Variants in SLC9C1 observed in about 807,000 individuals in gnomAD.
The protein encoded by SLC9C1 is solute carrier family 9 member C1.
A neutral mutation model predicts 140.9 loss-of-function variants in SLC9C1; 97 were observed. The observed-to-expected ratio is 0.69, with a 90% CI of 0.58 to 0.82. The LOEUF (loss-of-function observed/expected upper bound fraction) is 0.82. Among genes scored for constraint, SLC9C1 ranks in the 40% least tolerant of loss-of-function variants. SLC9C1 has a pLI of 0.00. For missense variants in SLC9C1, 1,340 were observed against 1,389.3 expected (o/e 0.96, Z 0.56); for synonymous variants, 440 against 442.6 (o/e 0.99, Z 0.07).
Position 112,248,571 on chromosome 3 carries a change from T to C in SLC9C1, c.1198-4495A>G, listed in dbSNP as rs578176688. On this transcript the variant is annotated intron_variant, in intron 10 of 28. Coordinates refer to ENST00000305815, the MANE Select transcript of SLC9C1 (RefSeq NM_183061.3). ...AAAAATATAATTTAGTTTTGTATAC[T>C]GAACATGAATTTCATGATTTCGCTA... is the stretch of plus-strand genomic sequence containing the variant. Among the ~76,000 whole-genome samples the C allele has an allele frequency of 3.9e-4, 59 of 152,306 alleles. 1 individual carries two copies. Among genetic ancestry groups the C allele is most frequent in the Admixed American group, 3.4e-3 (52 of 15,282 alleles).
chr3:112,247,422 C>T (rs568556826), intron 10 of SLC9C1, among the ~76,000 whole-genome samples: 38 of 152,282 alleles, frequency 2.5e-4, no homozygotes, highest in Non-Finnish European at 1.9e-4. Flanking sequence ...TAGTTAATAA[C>T]GTGCTCCAAA....
intron 13 of SLC9C1, among the ~76,000 whole-genome samples, chr3:112,230,105 A>G (rs943773385): frequency 1.3e-5 from 2 of 152,156 alleles, no homozygotes; most frequent in African/African-American, 4.8e-5. Flanking sequence ...ACCTATGGTT[A>G]TCTCAGGACT....
chr3:112,151,986 A>C, intron 27 of SLC9C1, 23 bp from the exon 28 acceptor site: 2 of 1,560,266 alleles, frequency 1.3e-6, no homozygotes, highest in Non-Finnish European at 1.7e-6. Context: ...ACACTTTGTT[A>C]CTTGATGTCA....
chr3:112,200,640 T>C (rs568026358), intron 19 of SLC9C1, 71 bp downstream of exon 19: 2 of 1,413,006 alleles, frequency 1.4e-6, no homozygotes, highest in Admixed American at 1.9e-5. Context: ...GCTCGAGTTA[T>C]GAAAACCATT....
chr3:112,262,611 G>A (rs972262757), intron 10 of SLC9C1, among the ~76,000 whole-genome samples: 5 of 151,808 alleles, frequency 3.3e-5, no homozygotes, highest in Non-Finnish European at 7.4e-5. Flanking sequence ...AAGGTAATAG[G>A]GCCAATCATA....
rs79031915 is a variant in SLC9C1 at position 112,167,137 on chromosome 3, C to T, written c.3364+84G>A. 1.1e-3 allele frequency: 1,610 copies of T among 1,483,840 alleles called. 9 individuals are homozygous for T. In the African/African-American group the frequency reaches 0.021, roughly 19 times the overall value. The allele number at this position is 1,483,840 out of a possible 1,614,324, so 91.9% of individuals were successfully genotyped here. A position where few individuals can be genotyped will look rare whatever the true frequency, so the allele number is the denominator to read the frequency against. Reference sequence around the variant, plus strand: ...ATTCCTCAATATATTAGGCAGAATGCAAACAACAGTTTCCAAATACACATA... The same window carrying T: ...ATTCCTCAATATATTAGGCAGAATGTAAACAACAGTTTCCAAATACACATA... On this transcript the variant is annotated intron_variant, in intron 26 of 28. Transcript: ENST00000305815.
At chr3:112,186,798 A>G (rs1183769063) in intron 20 of SLC9C1, among the ~76,000 whole-genome samples, 1 of 152,186 alleles carries the variant, frequency 6.6e-6, no homozygotes, top group African/African-American at 2.4e-5. Flanking sequence ...ACTTATCCAC[A>G]CCTACACAGT....
intron 11 of SLC9C1, among the ~76,000 whole-genome samples, chr3:112,240,469 G>A (rs2079111680): frequency 6.6e-6 from 1 of 152,202 alleles, no homozygotes; most frequent in African/African-American, 2.4e-5. Flanking sequence ...ATTTAAATTG[G>A]TAGACTGAGT....
intron 2 of SLC9C1, among the ~76,000 whole-genome samples, chr3:112,283,682 G>T (rs1239900540): frequency 6.6e-6 from 1 of 151,818 alleles, no homozygotes; most frequent in East Asian, 1.9e-4. Context: ...TTAGATACAG[G>T]CAGTCCTTGC....
Position 112,151,956 on chromosome 3 carries a change from G to T in SLC9C1, c.3425C>A (p.Ala1142Glu). ...QEERNVKEDG[A>E]HSAATARSPQ... is the part of the protein sequence containing the mutation. The stretch of plus-strand genomic sequence containing the variant: ...ACTCCTGGCAGTGGCGGCACTGTGT[G>T]CTCCATCCTGGGATTCAAAACACTT... Residue 1142 changes from alanine to glutamate, a missense_variant, in exon 28 of 29, where the codon GCA (alanine) becomes GAA (glutamate). Ala to Glu is a moderately radical substitution (Grantham distance 107). Coordinates refer to ENST00000305815, the MANE Select transcript of SLC9C1 (RefSeq NM_183061.3). The T allele has an allele frequency of 6.3e-7, 1 of 1,589,268 alleles. No individual in the cohort carries two copies. Among genetic ancestry groups the T allele is most frequent in the Admixed American group, 1.9e-5 (1 of 52,316 alleles).
chr3:112,284,842 C>T (rs2080457972), intron 2 of SLC9C1, among the ~76,000 whole-genome samples: 1 of 151,820 alleles, frequency 6.6e-6, no homozygotes, highest in Admixed American at 6.6e-5. Flanking sequence ...TCAAACTATT[C>T]TTTATAAAAT....
chr3:112,153,467 C>T (rs2075041685), intron 27 of SLC9C1, among the ~76,000 whole-genome samples: 1 of 151,858 alleles, frequency 6.6e-6, no homozygotes, highest in East Asian at 1.9e-4. Context: ...CTTTGTTATT[C>T]CCTAGCCTTC....
Position 112,169,049 on chromosome 3 carries a change from T to C in SLC9C1, c.3065A>G (p.Asn1022Ser). Residue 1022 changes from asparagine (N) to serine (S), a missense_variant, in exon 25 of 29, where the codon AAT becomes AGT. Physicochemically the swap from Asn to Ser is conservative, Grantham distance 46. Transcript: ENST00000305815. Reference sequence around the variant, plus strand: ...AATATTAGAGAGCTTTAGTTGCATATTGTAGTTCCAATCCTGTTTTAGAAA... The same window carrying C: ...AATATTAGAGAGCTTTAGTTGCATACTGTAGTTCCAATCCTGTTTTAGAAA... ...EHLSYEDWNY[N>S]MQLKLSNIYV... 1.3e-6 allele frequency: 2 copies of C among 1,591,840 alleles called. No individual in the cohort carries two copies. Among genetic ancestry groups the C allele is most frequent in the Non-Finnish European group, 1.7e-6 (2 of 1,172,304 alleles).
chr3:112,199,255 G>A, intron 20 of SLC9C1, 66 bp downstream of exon 20: 1 of 1,283,272 alleles, frequency 7.8e-7, no homozygotes, highest in Non-Finnish European at 1.0e-6. Context: ...GTCAAATGTA[G>A]CCTTGAAGGT....
chr3:112,270,025 A>G lies in SLC9C1; in HGVS notation c.666T>C (p.Phe222=). ...ICSYIIASFL[F]GILSSKLIQF... ...GAATCAGTTTTGAACTTAGAATTCCAAACAAGAAACTTGCTATAATATATG... is the reference window on the plus strand; with the variant it reads ...GAATCAGTTTTGAACTTAGAATTCCGAACAAGAAACTTGCTATAATATATG... The change falls in exon 7 of 29, where the codon TTT becomes TTC. Residue 222 remains phenylalanine (F), a synonymous_variant. Transcript: ENST00000305815. 1 of 1,596,286 alleles carries G rather than the reference A, an allele frequency of 6.3e-7. No individual in the cohort carries two copies. Among genetic ancestry groups the G allele is most frequent in the Non-Finnish European group, 8.5e-7 (1 of 1,172,550 alleles).
chr3:112,151,625 G>C (rs1370833509), intron 28 of SLC9C1: 6 of 522,738 alleles, frequency 1.1e-5, no homozygotes, highest in Non-Finnish European at 2.1e-5. Context: ...GCAGTATATA[G>C]AGAGGAAACC....
chr3:112,275,620 A>G (rs1412073349), intron 5 of SLC9C1, among the ~76,000 whole-genome samples: 1 of 152,140 alleles, frequency 6.6e-6, no homozygotes, highest in East Asian at 1.9e-4. Context: ...TGTAGTGGTA[A>G]GACTACAACT....
chr3:112,154,893 A>T (rs1420200247), intron 27 of SLC9C1, 104 bp downstream of exon 27: 2 of 1,054,746 alleles, frequency 1.9e-6, no homozygotes, highest in African/African-American at 1.6e-5. Context: ...AATGACTAGC[A>T]GATGAACTTT....
chr3:112,141,207 G>T lies in SLC9C1; in HGVS notation c.*65C>A. 1 of 1,476,046 alleles carries T rather than the reference G, an allele frequency of 6.8e-7. No individual in the cohort carries two copies. Among genetic ancestry groups the T allele is most frequent in the Non-Finnish European group, 9.0e-7 (1 of 1,105,388 alleles). 91.4% of individuals were successfully genotyped at this position (1,476,046 alleles called of 1,614,324 possible). On this transcript the variant is annotated 3_prime_UTR_variant, in exon 29 of 29. Coordinates refer to ENST00000305815, the MANE Select transcript of SLC9C1 (RefSeq NM_183061.3). Reference sequence around the variant, plus strand: ...ACTCCTTCTTGATGTAGGGAAGTGTGTTTCTGCAGCAGGAGGCCTCTCATA... The same window carrying T: ...ACTCCTTCTTGATGTAGGGAAGTGTTTTTCTGCAGCAGGAGGCCTCTCATA...
Sources: allele counts gnomAD v4.1 joint callset (sites outside exome capture counted in the v4.1 genomes callset), GRCh38; gene constraint gnomAD v4.1.1; transcripts MANE v1.5; gene names NCBI Gene and HGNC (gene_info 2026-07-23, HGNC 2026-07-21).